Variants in SASH1 observed in about 807,000 individuals in gnomAD.
SASH1 encodes SAM and SH3 domain-containing protein 1.
SASH1 carries 44 observed loss-of-function variants against 125.2 expected under a neutral mutation model. That is an observed-to-expected ratio of 0.35 (90% CI 0.28 to 0.45). SASH1 has a LOEUF of 0.45. SASH1 is among the 20% of genes least tolerant of loss of function. SASH1 has a pLI of 1.00. For missense variants in SASH1, 1,426 were observed against 1,614.5 expected, an observed-to-expected ratio of 0.88 and a Z score of 2.00; for synonymous variants, 639 against 649.1, an observed-to-expected ratio of 0.98 and a Z score of 0.24.
In SASH1 at chr6:148,512,004, C is replaced by CATTTATTTATTTATTT. The variant is rs79447361; in HGVS notation, c.730-2307_730-2292dup. On this transcript the variant is annotated intron_variant, in intron 8 of 19. Transcript: ENST00000367467. ...CTATTTCATTTTCATTTGATTTCAA[C>CATTTATTTATTTATTT]ATTTATTTATTTATTTATTTATTTA... is the stretch of plus-strand genomic sequence containing the variant. 5.8e-3 allele frequency among the ~76,000 whole-genome samples: 749 copies of CATTTATTTATTTATTT among 129,088 alleles called. 10 individuals carry two copies. Among genetic ancestry groups the CATTTATTTATTTATTT allele is most frequent in the African/African-American group, 0.018 (689 of 37,994 alleles). 84.7% of individuals were successfully genotyped at this position (129,088 alleles called of 152,430 possible). A position where few individuals can be genotyped will look rare whatever the true frequency, so the allele number is the denominator to read the frequency against.
intron 1 of SASH1, among the ~76,000 whole-genome samples, chr6:148,363,890 A>C (rs980063834): frequency 3.3e-5 from 5 of 152,112 alleles, no homozygotes; most frequent in African/African-American, 1.2e-4. Flanking sequence ...CACTTATAGG[A>C]TATTTTATTC....
In SASH1 at chr6:148,495,230, A is replaced by G. The variant is rs1025839894; in HGVS notation, c.729+7515A>G. On this transcript the variant is annotated intron_variant, in intron 8 of 19. Coordinates refer to ENST00000367467, the MANE Select transcript of SASH1 (RefSeq NM_015278.5). This position sits in a 1 kb window ranked among gnomAD's most constrained non-coding sequence, Gnocchi z 4.0. The stretch of plus-strand genomic sequence containing the variant: ...CTTAATTTCCATTATGACACAAGAA[A>G]AGGTTAACAGTGTAATCCCTTTTTA... Among the ~76,000 whole-genome samples, 3 of 152,232 alleles carry G rather than the reference A, an allele frequency of 2.0e-5. No homozygotes were observed. Among genetic ancestry groups the G allele is most frequent in the African/African-American group, 7.2e-5 (3 of 41,464 alleles).
upstream of SASH1, among the ~76,000 whole-genome samples, chr6:148,268,978 G>A (rs565079898): frequency 2.6e-5 from 4 of 152,308 alleles, no homozygotes; most frequent in South Asian, 8.3e-4. Context: ...CTCGTTTCAT[G>A]TAATAAGCAC....
At chr6:148,444,617 A>G (rs935054501) in intron 4 of SASH1, among the ~76,000 whole-genome samples, 1 of 152,126 alleles carries the variant, frequency 6.6e-6, no homozygotes, top group African/African-American at 2.4e-5. Context: ...CTTTCACTGG[A>G]AGTTTAATAA....
the SASH1 span, among the ~76,000 whole-genome samples, chr6:148,256,109 A>ATAGC: frequency 1.3e-5 from 2 of 152,190 alleles, no homozygotes; most frequent in Non-Finnish European, 1.5e-5. Flanking sequence ...CCTCTGCCCT[A>ATAGC]TAGCTGAGTT....
At chr6:148,481,204 GCACCTCCTTATCTCTT>G (rs1562447028) in intron 7 of SASH1, among the ~76,000 whole-genome samples, 3 of 151,872 alleles carry the variant, frequency 2.0e-5, no homozygotes, top group African/African-American at 7.2e-5. Context: ...AATATAAGAC[GCACCTCCTTATCTCTT>G]CATAGAACTG....
At chr6:148,327,747 C>G (rs1780871683) in intron 1 of SASH1, among the ~76,000 whole-genome samples, 1 of 150,432 alleles carries the variant, frequency 6.6e-6, no homozygotes, top group Non-Finnish European at 1.5e-5. Flanking sequence ...TCGAGACCAG[C>G]CTGGCCAACA....
intron 1 of SASH1, among the ~76,000 whole-genome samples, chr6:148,387,029 CTCTT>C (rs1436465441): frequency 1.3e-5 from 2 of 149,118 alleles, no homozygotes; most frequent in Non-Finnish European, 3.0e-5. Context: ...CTTTCTCTCT[CTCTT>C]TCTTTCTTGC....
At chr6:148,202,351 C>A in the SASH1 span, among the ~76,000 whole-genome samples, 2 of 152,148 alleles carry the variant, frequency 1.3e-5, no homozygotes, top group South Asian at 4.1e-4. Flanking sequence ...GTTAAAAGAG[C>A]TGACCCACAG....
At chr6:148,332,823 TAAAAATACA>T (rs546719504) in intron 1 of SASH1, among the ~76,000 whole-genome samples, 153 of 151,686 alleles carry the variant, frequency 1.0e-3, no homozygotes, top group African/African-American at 3.1e-3. Flanking sequence ...CCATCTCTAC[TAAAAATACA>T]AAAAATTAGC....
intron 8 of SASH1, among the ~76,000 whole-genome samples, chr6:148,499,522 G>T (rs1280851509): frequency 6.6e-6 from 1 of 152,112 alleles, no homozygotes; most frequent in Non-Finnish European, 1.5e-5. Flanking sequence ...TTTGAGAAAA[G>T]GATTAGATTA....
At chr6:148,209,252 CCTT>C in the SASH1 span, among the ~76,000 whole-genome samples, 2 of 152,224 alleles carry the variant, frequency 1.3e-5, no homozygotes, top group Admixed American at 1.3e-4. Flanking sequence ...CCGTAATACA[CCTT>C]CATCATAGCT....
chr6:148,527,086 A>G (rs938383015), intron 11 of SASH1, among the ~76,000 whole-genome samples: 9 of 151,998 alleles, frequency 5.9e-5, no homozygotes, highest in African/African-American at 1.9e-4. Context: ...GTTAGTCAGG[A>G]TGGTCTCGAT....
At chr6:148,483,809 G>A (rs1032732724) in intron 7 of SASH1, among the ~76,000 whole-genome samples, 1 of 151,172 alleles carries the variant, frequency 6.6e-6, no homozygotes, top group Non-Finnish European at 1.5e-5. Flanking sequence ...CAGAGCACAA[G>A]ATTATGAACC....
chr6:148,318,028 CTT>C (rs150867546), intron 1 of SASH1, among the ~76,000 whole-genome samples: 13,688 of 152,212 alleles, frequency 0.09, 686 homozygotes, highest in African/African-American at 0.12. Context: ...AAGCCCAGGA[CTT>C]AGACTGAGAA....
intron 15 of SASH1, 145 bp from the exon 16 acceptor site, chr6:148,534,606 T>A: frequency 1.3e-6 from 1 of 792,630 alleles, no homozygotes; most frequent in Non-Finnish European, 2.2e-6. Context: ...ATGTACAGGA[T>A]CCATTGCAAA....
chr6:148,393,710 T>C, intron 2 of SASH1: 1 of 985,274 alleles, frequency 1.0e-6, no homozygotes, highest in African/African-American at 1.7e-5. Context: ...CAGAAGACAG[T>C]CTGGGGGGAG....
chr6:148,196,354 C>T, the SASH1 span, among the ~76,000 whole-genome samples: 1 of 152,202 alleles, frequency 6.6e-6, no homozygotes, highest in Non-Finnish European at 1.5e-5. Flanking sequence ...TTAGGTCTCC[C>T]CTTGCATACA....
chr6:148,507,935 CTT>C (rs1189438989), intron 8 of SASH1, among the ~76,000 whole-genome samples: 3 of 152,178 alleles, frequency 2.0e-5, no homozygotes, highest in Admixed American at 2.0e-4. Flanking sequence ...GTCATGGAGA[CTT>C]TGTGTGGGTT....
Sources: allele counts gnomAD v4.1 joint callset (sites outside exome capture counted in the v4.1 genomes callset), GRCh38; gene constraint gnomAD v4.1.1; non-coding constraint Gnocchi (gnomAD v3.1); transcripts MANE v1.5; gene names NCBI Gene and HGNC (gene_info 2026-07-23, HGNC 2026-07-21).